The following MGLL variants were observed in gnomAD, a reference collection of about 807,000 sequenced individuals.
The protein encoded by MGLL is monoglyceride lipase.
In MGLL, 7 loss-of-function variants were observed where a neutral mutation model predicts 29.1. The ratio of observed to expected loss-of-function variants is 0.24; its 90% CI spans 0.14 to 0.45. The LOEUF is 0.45. Among genes scored for constraint, MGLL ranks in the 20% least tolerant of loss-of-function variants. The pLI is 0.99. For missense variants in MGLL, 356 were observed against 413.6 expected, an observed-to-expected ratio of 0.86 and a Z score of 1.21; for synonymous variants, 148 against 168.3, an observed-to-expected ratio of 0.88 and a Z score of 0.93.
intron 2 of MGLL, among the ~76,000 whole-genome samples, chr3:127,813,462 A>C (rs1302589945): frequency 6.6e-6 from 1 of 152,200 alleles, no homozygotes; most frequent in Non-Finnish European, 1.5e-5. Context: ...ATGGCTTCCC[A>C]TGGGAGACAG....
chr3:127,761,995 T>G lies in MGLL; in HGVS notation c.262+19794A>C, dbSNP rs1027424418. On this transcript the variant is annotated intron_variant, in intron 3 of 7. Coordinates refer to ENST00000265052, the MANE Select transcript of MGLL (RefSeq NM_007283.7). This position sits in a 1 kb window ranked among gnomAD's most constrained non-coding sequence, Gnocchi z 4.6. ...GAACACAGCTTAATAGATCTGTGAT[T>G]TGGAATTCTGATCCTGGCTCTACCA... Among the ~76,000 whole-genome samples, 6 of 151,634 alleles carry G rather than the reference T, an allele frequency of 4.0e-5. No homozygotes were observed. The highest frequency in any genetic ancestry group is 1.5e-4 in the African/African-American group (6 of 41,250).
In MGLL at chr3:127,692,071, G is replaced by A; in HGVS notation, c.*127C>T. 1.5e-6 allele frequency: 2 copies of A among 1,292,550 alleles called. No individual in the cohort carries two copies. Among genetic ancestry groups the A allele is most frequent in the East Asian group, 2.4e-5 (1 of 41,064 alleles). The allele number at this position is 1,292,550 out of a possible 1,614,324, so 80.1% of individuals were successfully genotyped here. A position where few individuals can be genotyped will look rare whatever the true frequency, so the allele number is the denominator to read the frequency against. ...TGTCTGTTATTTTTTAGAAAATTGT[G>A]CTAAGGATTTCTCCAATTTCTGATT... On this transcript the variant is annotated 3_prime_UTR_variant, in exon 8 of 8. Transcript: ENST00000265052.
chr3:127,738,568 C>T (rs1424098168), intron 3 of MGLL, among the ~76,000 whole-genome samples: 1 of 152,154 alleles, frequency 6.6e-6, no homozygotes, highest in Non-Finnish European at 1.5e-5. Flanking sequence ...ATCTGCCAGG[C>T]TGGAGCACCC....
Position 127,692,129 on chromosome 3 carries a change from TGAGA to T in MGLL, c.*65_*68del. 9.3e-7 allele frequency: 1 copy of T among 1,072,312 alleles called. No individual in the cohort carries two copies. The highest frequency in any genetic ancestry group is 1.3e-5 in the South Asian group (1 of 79,376). The allele number at this position is 1,072,312 out of a possible 1,614,324, so 66.4% of individuals were successfully genotyped here. A position where few individuals can be genotyped will look rare whatever the true frequency, so the allele number is the denominator to read the frequency against. ...TTTTTTTTTTTTGGCAAGCCATATCTGAGAAGCCATCTCTGCCCTTCCCCTGCCT... is the reference window on the plus strand; with the variant it reads ...TTTTTTTTTTTTGGCAAGCCATATCTAGCCATCTCTGCCCTTCCCCTGCCT... On this transcript the variant is annotated 3_prime_UTR_variant, in exon 8 of 8. Coordinates refer to ENST00000265052, the MANE Select transcript of MGLL (RefSeq NM_007283.7).
chr3:127,821,789 G>A lies in MGLL; in HGVS notation c.60C>T (p.Thr20=), dbSNP rs369967063. The A allele has an allele frequency of 2.1e-5, 34 of 1,614,022 alleles. No individual in the cohort carries two copies. Among genetic ancestry groups the A allele is most frequent in the Middle Eastern group, 3.3e-4 (2 of 6,084 alleles). The change falls in exon 2 of 8, where the codon ACC becomes ACT. Residue 20 remains threonine (T), a synonymous_variant. Transcript: ENST00000265052. Reference sequence around the variant, plus strand: ...GGTCCTGGTAGGGAATGCTCTGCGGGGTCCGCCTGGGGGAACTTTCCTCTG... The same window carrying A: ...GGTCCTGGTAGGGAATGCTCTGCGGAGTCCGCCTGGGGGAACTTTCCTCTG... ...SMPEESSPRR[T]PQSIPYQDLP...
intron 5 of MGLL, chr3:127,710,896 G>A (rs750727969): frequency 7.0e-5 from 39 of 558,686 alleles, no homozygotes; most frequent in Non-Finnish European, 9.0e-5. Flanking sequence ...CCAGGCAGCC[G>A]CTGCGCCCAA....
chr3:127,797,343 C>T (rs2077400464), intron 2 of MGLL, among the ~76,000 whole-genome samples: 1 of 151,966 alleles, frequency 6.6e-6, no homozygotes, highest in South Asian at 2.1e-4. Flanking sequence ...GTTCCTGAGG[C>T]GAATAAGAGA....
chr3:127,765,750 C>T (rs905869077), intron 3 of MGLL, among the ~76,000 whole-genome samples: 5 of 152,206 alleles, frequency 3.3e-5, no homozygotes, highest in Admixed American at 6.5e-5. Context: ...CCCGCAGGAA[C>T]GGCCGCATGT....
chr3:127,763,160 C>CG (rs1302941009), intron 3 of MGLL, among the ~76,000 whole-genome samples: 1 of 152,002 alleles, frequency 6.6e-6, no homozygotes. Flanking sequence ...CAGGGTGCAG[C>CG]GATGTGGATT....
rs182125523 is a variant in MGLL at position 127,779,239 on chromosome 3, C to T, written c.262+2550G>A. The stretch of plus-strand genomic sequence containing the variant: ...AAAATTAGCCGGGCATAGTGGCAGG[C>T]GCCTGTAGTCCCAGCTACTCAGGAG... On this transcript the variant is annotated intron_variant, in intron 3 of 7. Transcript: ENST00000265052. Among the ~76,000 whole-genome samples the T allele has an allele frequency of 5.8e-3, 888 of 152,150 alleles. 6 individuals carry two copies. Among genetic ancestry groups the T allele is most frequent in the Middle Eastern group, 0.024 (7 of 294 alleles).
chr3:127,694,929 T>TC (rs746397016), intron 7 of MGLL, 46 bp downstream of exon 7: 1 of 1,587,420 alleles, frequency 6.3e-7, no homozygotes, highest in Non-Finnish European at 8.6e-7. Context: ...TGCCTTCCTG[T>TC]CCCCCCTCCA....
chr3:127,763,169 T>G (rs888835352), intron 3 of MGLL, among the ~76,000 whole-genome samples: 1 of 152,134 alleles, frequency 6.6e-6, no homozygotes, highest in African/African-American at 2.4e-5. Context: ...GCGATGTGGA[T>G]TCATAGGATG....
chr3:127,697,372 T>C (rs1301312834), intron 6 of MGLL, among the ~76,000 whole-genome samples: 2 of 152,242 alleles, frequency 1.3e-5, no homozygotes, highest in Admixed American at 1.3e-4. Context: ...GCTCTGGCTG[T>C]CTGCCCGGCA....
At chr3:127,794,514 C>G (rs1226709866) in intron 2 of MGLL, among the ~76,000 whole-genome samples, 2 of 152,136 alleles carry the variant, frequency 1.3e-5, no homozygotes, top group Non-Finnish European at 2.9e-5. Flanking sequence ...GTAAGGCTGT[C>G]TTCTATGATG....
Position 127,705,776 on chromosome 3 carries a change from CA to C in MGLL, c.600+4799del, listed in dbSNP as rs36125403. Among the ~76,000 whole-genome samples the C allele has an allele frequency of 6.5e-3, 728 of 112,350 alleles. 2 individuals carry two copies. Among genetic ancestry groups the C allele is most frequent in the Non-Finnish European group, 7.9e-3 (422 of 53,354 alleles). 73.7% of individuals were successfully genotyped at this position (112,350 alleles called of 152,430 possible). A position where few individuals can be genotyped will look rare whatever the true frequency, so the allele number is the denominator to read the frequency against. On this transcript the variant is annotated intron_variant, in intron 6 of 7. Coordinates refer to ENST00000265052, the MANE Select transcript of MGLL (RefSeq NM_007283.7). ...GGGCGACGAGAGAGAAACTCCATCT[CA>C]AAAAAAAAAAAAAAGAAGAAGAAGA...
chr3:127,758,132 A>G (rs1342743605), intron 3 of MGLL, among the ~76,000 whole-genome samples: 1 of 150,316 alleles, frequency 6.7e-6, no homozygotes, highest in Non-Finnish European at 1.5e-5. Context: ...TGCACTGGCC[A>G]CCCCCTTTTC....
chr3:127,717,753 G>A (rs981423379), intron 5 of MGLL, among the ~76,000 whole-genome samples: 5 of 152,132 alleles, frequency 3.3e-5, no homozygotes, highest in African/African-American at 4.8e-5. Context: ...GAGAAAGGAG[G>A]GGCCCTGCAG....
intron 3 of MGLL, 110 bp downstream of exon 3, chr3:127,781,679 C>T (rs980811295): frequency 7.7e-5 from 79 of 1,019,356 alleles, no homozygotes; most frequent in East Asian, 2.6e-4. Context: ...TTGAAACATC[C>T]GTGGGGAATA....
Position 127,781,920 on chromosome 3 carries a change from G to A in MGLL, c.156-25C>T, listed in dbSNP as rs762584840. ...CCTGCAGAGACAAGAAGGGAGCCTG[G>A]TTAGGAAAGCCCACACGGGGCTGGG... On this transcript the variant is annotated intron_variant, in intron 2 of 7. Coordinates refer to ENST00000265052, the MANE Select transcript of MGLL (RefSeq NM_007283.7). The A allele has an allele frequency of 1.2e-5, 20 of 1,610,920 alleles. No homozygotes were observed. The South Asian group carries it at 2.0e-4, about 16-fold the overall frequency.
Sources: gnomAD v4.1 joint callset for allele counts (sites outside exome capture counted in the v4.1 genomes callset) on GRCh38, gnomAD v4.1.1 for gene constraint, Gnocchi (gnomAD v3.1) non-coding constraint, MANE v1.5 for transcripts, NCBI Gene and HGNC (gene_info 2026-07-23, HGNC 2026-07-21) for gene names.